PHEX: variants seen among roughly 807,000 people sequenced by gnomAD.
The protein encoded by PHEX is phosphate-regulating neutral endopeptidase PHEX.
Under a neutral mutation model 68.0 loss-of-function variants are expected in PHEX, and 16 were observed. The observed-to-expected ratio is 0.24, with a 90% CI of 0.16 to 0.36. The LOEUF is 0.36. Ranked by LOEUF, PHEX falls within the 10% of genes least tolerant of loss-of-function variation. The probability of loss-of-function intolerance (pLI) is 1.00; values close to 1 mark genes in which losing one functional copy is unlikely to be tolerated. For missense variants in PHEX, 480 were observed against 575.5 expected, an observed-to-expected ratio of 0.83 and a Z score of 1.70; for synonymous variants, 208 against 205.1, an observed-to-expected ratio of 1.01 and a Z score of -0.12.
intron 12 of PHEX, among the ~76,000 whole-genome samples, chrX:22,148,678 C>T (rs1039682287): frequency 2.7e-5 from 3 of 111,339 alleles, no homozygotes; most frequent in Middle Eastern, 9.2e-3. Context: ...ACTTTCTACT[C>T]TCTGTTTCTA....
At chrX:22,240,925 C>A (rs1351172413) in intron 20 of PHEX, among the ~76,000 whole-genome samples, 1 of 111,978 alleles carries the variant, frequency 8.9e-6, no homozygotes, top group African/African-American at 3.2e-5. Context: ...GTGGACCTAA[C>A]AGGCATCTAC....
At chrX:22,098,093 GT>G (rs879094593) in intron 8 of PHEX, 1,945 of 89,145 alleles carry the variant, frequency 0.022, 21 homozygotes, top group Middle Eastern at 0.12. Context: ...TTCCTCTTGT[GT>G]TTTTTTTTTT....
intron 2 of PHEX, among the ~76,000 whole-genome samples, chrX:22,045,961 A>C (rs1009054208): frequency 3.5e-5 from 4 of 112,737 alleles, no homozygotes; most frequent in Non-Finnish European, 7.5e-5. Context: ...TTCTGTTTCC[A>C]TTAGCCTTCA....
chrX:22,131,690 A>G (rs1041528528), intron 11 of PHEX, among the ~76,000 whole-genome samples: 4 of 113,007 alleles, frequency 3.5e-5, no homozygotes, highest in African/African-American at 1.3e-4. Context: ...ACAATTTATT[A>G]TAGAACCAAG....
intron 14 of PHEX, among the ~76,000 whole-genome samples, chrX:22,187,887 G>C (rs1934080249): frequency 8.9e-6 from 1 of 111,907 alleles, no homozygotes; most frequent in East Asian, 2.8e-4. Flanking sequence ...TAGGCGAACT[G>C]GTTTGAAGTC....
At chrX:22,155,191 C>T (rs941323864) in intron 12 of PHEX, among the ~76,000 whole-genome samples, 1 of 112,827 alleles carries the variant, frequency 8.9e-6, no homozygotes, top group Non-Finnish European at 1.9e-5. Flanking sequence ...GGATTACAGG[C>T]GTGAGCCATC....
chrX:22,134,217 T>C (rs186901855), intron 12 of PHEX, among the ~76,000 whole-genome samples: 50 of 112,412 alleles, frequency 4.4e-4, no homozygotes, highest in African/African-American at 1.6e-3. Context: ...GGACACTTGC[T>C]GGGCCTTGTA....
intron 20 of PHEX, among the ~76,000 whole-genome samples, chrX:22,236,133 T>TGCAACC (rs1278133283): frequency 8.9e-6 from 1 of 111,958 alleles, no homozygotes; most frequent in East Asian, 2.8e-4. Flanking sequence ...CCTTCTATAA[T>TGCAACC]GCAACCCTTC....
At chrX:22,233,095 T>TTC (rs767982409) in intron 20 of PHEX, among the ~76,000 whole-genome samples, 1 of 111,695 alleles carries the variant, frequency 9.0e-6, no homozygotes, top group African/African-American at 3.3e-5. Context: ...GGGTTGAAAA[T>TTC]TCTTTTCTTT....
chrX:22,171,937 C>T (rs374477661), intron 13 of PHEX: 2 of 111,334 alleles, frequency 1.8e-5, no homozygotes, highest in Admixed American at 9.5e-5. Context: ...GAAAGAGGAG[C>T]GAGATTACCT....
chrX:22,163,638 G>T (rs1402147954), intron 12 of PHEX, among the ~76,000 whole-genome samples: 1 of 111,453 alleles, frequency 9.0e-6, no homozygotes, highest in African/African-American at 3.3e-5. Flanking sequence ...AATATTTCTT[G>T]CAGGATATAA....
At chrX:22,097,386 T>C (rs1292910634) in intron 8 of PHEX, among the ~76,000 whole-genome samples, 3 of 112,427 alleles carry the variant, frequency 2.7e-5, no homozygotes, top group Non-Finnish European at 5.6e-5. Context: ...GTGTTGGCTT[T>C]TTGACTTCAT....
chrX:22,102,874 C>A (rs1930492137), intron 9 of PHEX, among the ~76,000 whole-genome samples: 1 of 112,216 alleles, frequency 8.9e-6, no homozygotes, highest in Non-Finnish European at 1.9e-5. Context: ...CCAGCCAAGC[C>A]TTCTCACATT....
At chrX:22,154,924 T>A (rs1460770158) in intron 12 of PHEX, among the ~76,000 whole-genome samples, 1 of 112,234 alleles carries the variant, frequency 8.9e-6, no homozygotes, top group East Asian at 2.8e-4. Context: ...CATTGATTGA[T>A]TGATTGAGAC....
chrX:22,241,324 G>GGAAA (rs1161785558), intron 20 of PHEX, among the ~76,000 whole-genome samples: 2 of 111,974 alleles, frequency 1.8e-5, no homozygotes, highest in African/African-American at 6.5e-5. Flanking sequence ...AGAGAAAGCA[G>GGAAA]GAAAGATCTA....
In PHEX at chrX:22,249,453, A is replaced by ATATATATAT. The variant is rs1222771440; in HGVS notation, c.*1500_*1501insTATATATAT. The stretch of plus-strand genomic sequence containing the variant: ...ATTTGTGATTCTTTTAAAAAAAAAA[A>ATATATATAT]AAATATATATATATATATATATATA... On this transcript the variant is annotated 3_prime_UTR_variant, in exon 22 of 22. Coordinates refer to ENST00000379374, the MANE Select transcript of PHEX (RefSeq NM_000444.6). 1.1e-4 allele frequency: 3 copies of ATATATATAT among 28,033 alleles called. No homozygotes were observed. Among genetic ancestry groups the ATATATATAT allele is most frequent in the African/African-American group, 4.1e-4 (2 of 4,823 alleles). 2.3% of individuals were successfully genotyped at this position (28,033 alleles called of 1,213,427 possible).
chrX:22,245,884 C>G (rs1177768312), intron 21 of PHEX, among the ~76,000 whole-genome samples: 2 of 111,932 alleles, frequency 1.8e-5, no homozygotes, highest in African/African-American at 6.5e-5. Flanking sequence ...CTTAAAACAC[C>G]TAGCGCTCTG....
intron 3 of PHEX, among the ~76,000 whole-genome samples, chrX:22,054,831 G>A (rs1270570948): frequency 9.1e-6 from 1 of 110,345 alleles, no homozygotes; most frequent in Non-Finnish European, 1.9e-5. Context: ...TACCGTTTGA[G>A]TATTGGTAGG....
intron 15 of PHEX, among the ~76,000 whole-genome samples, chrX:22,203,128 ACAGAAAGTCTCGCATCC>A (rs925519228): frequency 9.9e-5 from 11 of 111,407 alleles, no homozygotes; most frequent in African/African-American, 3.3e-4. Context: ...CAGTTTTAGC[ACAGAAAGTCTCGCATCC>A]CAGGAGCCCC....
Sources: allele counts gnomAD v4.1 joint callset (sites outside exome capture counted in the v4.1 genomes callset), GRCh38; gene constraint gnomAD v4.1.1; transcripts MANE v1.5; gene names NCBI Gene and HGNC (gene_info 2026-07-23, HGNC 2026-07-21).